Variants in FHIT observed in about 807,000 individuals in gnomAD.
FHIT encodes bis(5'-adenosyl)-triphosphatase.
A neutral mutation model predicts 17.9 loss-of-function variants in FHIT; 19 were observed. That is an observed-to-expected ratio of 1.06 (90% CI 0.74 to 1.56). The LOEUF (loss-of-function observed/expected upper bound fraction) is 1.56. FHIT is among the 40% of genes most tolerant of loss of function. FHIT has a pLI of 0.00. For synonymous variants in FHIT, 81 were observed against 69.7 expected, an observed-to-expected ratio of 1.16 and a Z score of -0.81; for missense variants, 248 against 189.2, an observed-to-expected ratio of 1.31 and a Z score of -1.82.
At chr3:59,839,312 C>T (rs1478683946) in intron 8 of FHIT, among the ~76,000 whole-genome samples, 2 of 53,312 alleles carry the variant, frequency 3.8e-5, no homozygotes, top group Non-Finnish European at 9.0e-5. Context: ...AGCGAGACTT[C>T]ATTTTCAAAA....
intron 5 of FHIT, among the ~76,000 whole-genome samples, chr3:60,449,513 A>G (rs2031576650): frequency 6.6e-6 from 1 of 152,024 alleles, no homozygotes; most frequent in African/African-American, 2.4e-5. Flanking sequence ...AGGCTATTTT[A>G]TTGTGCCAAC....
At chr3:59,975,437 T>A (rs998257047) in intron 7 of FHIT, among the ~76,000 whole-genome samples, 11 of 152,118 alleles carry the variant, frequency 7.2e-5, no homozygotes, top group African/African-American at 2.7e-4. Context: ...GTAAGATGCT[T>A]TGCATAGTTC....
intron 4 of FHIT, among the ~76,000 whole-genome samples, chr3:60,664,078 T>G (rs2040325448): frequency 6.6e-6 from 1 of 152,228 alleles, no homozygotes; most frequent in Admixed American, 6.5e-5. Context: ...TTGTTTCTAA[T>G]CTCAGGGATG....
At chr3:59,921,355 A>G (rs1705394306) in intron 8 of FHIT, among the ~76,000 whole-genome samples, 1 of 152,244 alleles carries the variant, frequency 6.6e-6, no homozygotes. Context: ...AGGTAGAGAT[A>G]ATCATGTGGT....
intron 3 of FHIT, among the ~76,000 whole-genome samples, chr3:60,848,129 A>G (rs1251043326): frequency 1.3e-5 from 2 of 151,992 alleles, no homozygotes; most frequent in East Asian, 1.9e-4. Context: ...GCATTAGTCT[A>G]TTTTCCATCC....
At chr3:60,178,701 T>C (rs1462983617) in intron 5 of FHIT, among the ~76,000 whole-genome samples, 1 of 152,182 alleles carries the variant, frequency 6.6e-6, no homozygotes, top group African/African-American at 2.4e-5. Flanking sequence ...CTACGTTGTT[T>C]TTCGTCCATT....
chr3:60,987,505 T>C (rs1393547769), intron 3 of FHIT, among the ~76,000 whole-genome samples: 1 of 152,252 alleles, frequency 6.6e-6, no homozygotes, highest in East Asian at 1.9e-4. Context: ...ATACTTTTAG[T>C]TAATTTAGTA....
At chr3:61,204,967 C>A (rs527473314) in intron 1 of FHIT, among the ~76,000 whole-genome samples, 3 of 144,926 alleles carry the variant, frequency 2.1e-5, no homozygotes, top group South Asian at 2.3e-4. Context: ...AATGCCATCC[C>A]ACCCACCCCC....
At chr3:60,159,524 G>T (rs536848944) in intron 5 of FHIT, among the ~76,000 whole-genome samples, 2 of 152,262 alleles carry the variant, frequency 1.3e-5, no homozygotes, top group African/African-American at 4.8e-5. Flanking sequence ...GGGTAGAAAG[G>T]AAGTTGAAGA....
At chr3:59,755,506 G>A (rs1048021992) in intron 8 of FHIT, among the ~76,000 whole-genome samples, 1 of 152,224 alleles carries the variant, frequency 6.6e-6, no homozygotes, top group South Asian at 2.1e-4. Context: ...CCAAAAGGCA[G>A]TATTTGCCGT....
At chr3:59,820,447 T>TA (rs1700748137) in intron 8 of FHIT, among the ~76,000 whole-genome samples, 1 of 152,208 alleles carries the variant, frequency 6.6e-6, no homozygotes, top group Non-Finnish European at 1.5e-5. Context: ...TGGCTACCCT[T>TA]AGCAAAGAAG....
intron 3 of FHIT, among the ~76,000 whole-genome samples, chr3:60,833,921 C>G (rs1334185476): frequency 1.3e-5 from 2 of 151,998 alleles, no homozygotes; most frequent in East Asian, 3.9e-4. Context: ...GTTTTTTTCC[C>G]CTTTAATCTA....
chr3:61,046,849 A>C (rs77598117), intron 2 of FHIT, among the ~76,000 whole-genome samples: 1 of 152,216 alleles, frequency 6.6e-6, no homozygotes, highest in Admixed American at 6.5e-5. Context: ...TATGCAAATC[A>C]AAAAACGTAA....
At chr3:61,087,186 C>G (rs1267341511) in intron 2 of FHIT, among the ~76,000 whole-genome samples, 1 of 152,056 alleles carries the variant, frequency 6.6e-6, no homozygotes, top group Non-Finnish European at 1.5e-5. Flanking sequence ...AAACAATATT[C>G]TATACATGAA....
At chr3:60,935,967 G>C (rs75227399) in intron 3 of FHIT, among the ~76,000 whole-genome samples, 2,456 of 152,260 alleles carry the variant, frequency 0.016, 69 homozygotes, top group African/African-American at 0.057. Flanking sequence ...TATTTGTTAA[G>C]TGAGTAAATG....
chr3:60,454,553 T>G (rs1205117928), intron 5 of FHIT, among the ~76,000 whole-genome samples: 1 of 151,694 alleles, frequency 6.6e-6, no homozygotes, highest in South Asian at 2.1e-4. Context: ...CCCGGCTAAT[T>G]TTTGGTATTT....
At chr3:61,020,816 T>C (rs1479165664) in intron 3 of FHIT, among the ~76,000 whole-genome samples, 1 of 151,614 alleles carries the variant, frequency 6.6e-6, no homozygotes, top group African/African-American at 2.4e-5. Context: ...ACACAAAGGC[T>C]CAAAATAAAG....
At chr3:61,018,794 C>T (rs183510801) in intron 3 of FHIT, among the ~76,000 whole-genome samples, 61 of 152,126 alleles carry the variant, frequency 4.0e-4, no homozygotes, top group African/African-American at 1.4e-3. Context: ...TTTAGTTTTG[C>T]ATTTCTTTCA....
intron 3 of FHIT, among the ~76,000 whole-genome samples, chr3:60,970,970 ACAT>A (rs1332562524): frequency 1.3e-5 from 2 of 152,196 alleles, no homozygotes; most frequent in Admixed American, 6.5e-5. Flanking sequence ...CAAATTCCAA[ACAT>A]CATATTACAT....
Sources: gnomAD v4.1 joint callset for allele counts (sites outside exome capture counted in the v4.1 genomes callset) on GRCh38, gnomAD v4.1.1 for gene constraint, MANE v1.5 for transcripts, NCBI Gene and HGNC (gene_info 2026-07-23, HGNC 2026-07-21) for gene names.